The following NDUFA12 variants were observed in gnomAD, a reference collection of about 807,000 sequenced individuals.
NDUFA12 encodes NADH dehydrogenase [ubiquinone] 1 alpha subcomplex subunit 12.
NDUFA12 carries 17 observed loss-of-function variants against 20.3 expected under a neutral mutation model. The ratio of observed to expected loss-of-function variants is 0.84; its 90% CI spans 0.57 to 1.26. NDUFA12 has a LOEUF of 1.26. Among genes scored for constraint, NDUFA12 ranks in the 50% most tolerant of loss-of-function variants. The pLI, the probability that NDUFA12 is intolerant of heterozygous loss-of-function variation, is 0.00. For synonymous variants in NDUFA12, 72 were observed against 63.6 expected, an observed-to-expected ratio of 1.13 and a Z score of -0.63; for missense variants, 191 against 183.7, an observed-to-expected ratio of 1.04 and a Z score of -0.23.
intron 3 of NDUFA12, among the ~76,000 whole-genome samples, chr12:94,989,286 C>A (rs1266731039): frequency 6.6e-6 from 1 of 152,138 alleles, no homozygotes; most frequent in East Asian, 1.9e-4. Context: ...AAAACAAGGA[C>A]CTTGTTTTAT....
At position 94,979,922 on chromosome 12, in the gene NDUFA12, A is replaced by G. The variant is rs534715804; in HGVS notation, c.258-8302T>C. Among the ~76,000 whole-genome samples the G allele has an allele frequency of 3.3e-5, 5 of 152,100 alleles. No homozygotes were observed. In the South Asian group the frequency reaches 1.0e-3, roughly 32 times the overall value. ...GCTATGTGGATCACTCTCCTTTGCT[A>G]GAATGTTCAAACTTTTCTGATCTCT... On this transcript the variant is annotated intron_variant, in intron 3 of 3. Transcript: ENST00000327772.
chr12:94,994,949 T>C (rs1294627289), intron 2 of NDUFA12, among the ~76,000 whole-genome samples: 1 of 152,192 alleles, frequency 6.6e-6, no homozygotes, highest in African/African-American at 2.4e-5. Flanking sequence ...TCAGTTTCTT[T>C]ATCTAGTAAA....
chr12:94,982,821 G>T (rs574693933), intron 3 of NDUFA12, among the ~76,000 whole-genome samples: 1 of 152,194 alleles, frequency 6.6e-6, no homozygotes, highest in South Asian at 2.1e-4. Flanking sequence ...ATCAGAGGTC[G>T]ATTTTATATT....
chr12:94,994,130 G>GA (rs760919707), intron 3 of NDUFA12, 40 bp downstream of exon 3: 24 of 1,583,016 alleles, frequency 1.5e-5, no homozygotes, highest in Non-Finnish European at 1.8e-5. Flanking sequence ...TCTCAAAAAA[G>GA]AAAAAAAAGA....
chr12:94,997,994 A>ACAGCC (rs963557961), intron 2 of NDUFA12, among the ~76,000 whole-genome samples: 53 of 152,290 alleles, frequency 3.5e-4, no homozygotes, highest in African/African-American at 9.9e-4. Flanking sequence ...GATGCACAGG[A>ACAGCC]CAGCCCCTCA....
intron 3 of NDUFA12, among the ~76,000 whole-genome samples, chr12:94,984,736 A>AAAAAAAAAAAAAAAAAAAAAAC (rs36013656): frequency 1.3e-5 from 1 of 74,136 alleles, no homozygotes; most frequent in Non-Finnish European, 2.4e-5. Context: ...ACAACAAAAA[A>AAAAAAAAAAAAAAAAAAAAAAC]CCCATATATA....
chr12:94,999,846 G>A (rs537081850), intron 2 of NDUFA12, among the ~76,000 whole-genome samples: 149 of 152,308 alleles, frequency 9.8e-4, no homozygotes, highest in African/African-American at 3.5e-3. Context: ...TGTGGATGTG[G>A]TGAAAACACA....
At chr12:94,979,280 C>T (rs1286875899) in intron 3 of NDUFA12, among the ~76,000 whole-genome samples, 1 of 152,158 alleles carries the variant, frequency 6.6e-6, no homozygotes, top group Non-Finnish European at 1.5e-5. Flanking sequence ...TACCCAAAAG[C>T]AGACCCTCAA....
intron 3 of NDUFA12, among the ~76,000 whole-genome samples, chr12:94,988,424 C>T (rs79342979): frequency 2.0e-5 from 3 of 152,236 alleles, no homozygotes; most frequent in East Asian, 1.9e-4. Flanking sequence ...TCTGAAAGTT[C>T]GGGATTATTC....
intron 3 of NDUFA12, among the ~76,000 whole-genome samples, chr12:94,978,819 T>C (rs1874142767): frequency 6.6e-6 from 1 of 152,160 alleles, no homozygotes; most frequent in Admixed American, 6.5e-5. Context: ...CTATAATAAA[T>C]AGTATATTAA....
At chr12:94,987,267 T>C (rs1874476565) in intron 3 of NDUFA12, among the ~76,000 whole-genome samples, 1 of 152,084 alleles carries the variant, frequency 6.6e-6, no homozygotes, top group South Asian at 2.1e-4. Context: ...TTCAACAATA[T>C]AACTGTCAAG....
chr12:94,984,433 C>T (rs1032215420), intron 3 of NDUFA12, among the ~76,000 whole-genome samples: 16 of 151,774 alleles, frequency 1.1e-4, no homozygotes, highest in African/African-American at 3.9e-4. Context: ...GACCAGCTGA[C>T]GCAGGAGAAT....
chr12:94,994,103 G>T, intron 3 of NDUFA12, 67 bp downstream of exon 3: 1 of 1,410,006 alleles, frequency 7.1e-7, no homozygotes, highest in South Asian at 1.2e-5. Flanking sequence ...CAGCCTGGGT[G>T]ACAGAGTGAG....
chr12:94,997,462 A>T (rs1239085968), intron 2 of NDUFA12: 1 of 152,196 alleles, frequency 6.6e-6, no homozygotes, highest in Non-Finnish European at 1.5e-5. Context: ...TTTTCACGTT[A>T]TACATTGTTC....
chr12:94,997,151 G>C (rs1333361569), intron 2 of NDUFA12, among the ~76,000 whole-genome samples: 1 of 151,864 alleles, frequency 6.6e-6, no homozygotes, highest in African/African-American at 2.4e-5. Context: ...GACCAGCCCA[G>C]GTAAAATAGT....
intron 3 of NDUFA12, among the ~76,000 whole-genome samples, chr12:94,977,745 T>C (rs981374963): frequency 4.6e-5 from 7 of 152,190 alleles, no homozygotes; most frequent in African/African-American, 1.4e-4. Context: ...CAAAAATCTA[T>C]TGCAGAAATA....
chr12:95,000,437 C>G (rs1354509241), intron 2 of NDUFA12, among the ~76,000 whole-genome samples: 1 of 152,196 alleles, frequency 6.6e-6, no homozygotes, highest in African/African-American at 2.4e-5. Context: ...ACCACCTGTA[C>G]TCCAAAAACT....
At chr12:94,983,064 G>A (rs1874295760) in intron 3 of NDUFA12, among the ~76,000 whole-genome samples, 2 of 151,896 alleles carry the variant, frequency 1.3e-5, no homozygotes, top group African/African-American at 4.8e-5. Context: ...CATACTTAAC[G>A]TAGACTACCT....
chr12:94,974,206 C>G (rs1873987493), intron 3 of NDUFA12, among the ~76,000 whole-genome samples: 1 of 151,778 alleles, frequency 6.6e-6, no homozygotes, highest in African/African-American at 2.4e-5. Flanking sequence ...TCCTGGCCTC[C>G]AGTGATTTGC....
Sources: allele counts gnomAD v4.1 joint callset (sites outside exome capture counted in the v4.1 genomes callset), GRCh38; gene constraint gnomAD v4.1.1; transcripts MANE v1.5; gene names NCBI Gene and HGNC (gene_info 2026-07-23, HGNC 2026-07-21).